GMEB2: variants seen among roughly 807,000 people sequenced by gnomAD.
The protein encoded by GMEB2 is glucocorticoid modulatory element binding protein 2, also known as glucocorticoid modulatory element-binding protein 2.
GMEB2 carries 7 observed loss-of-function variants against 45.7 expected under a neutral mutation model. The observed-to-expected ratio is 0.15, with a 90% CI of 0.09 to 0.29. The LOEUF is 0.29. Among genes scored for constraint, GMEB2 ranks in the 10% least tolerant of loss-of-function variants. The pLI, the probability that GMEB2 is intolerant of heterozygous loss-of-function variation, is 1.00. For missense variants in GMEB2, 582 were observed against 739.2 expected (o/e 0.79, Z 2.47); for synonymous variants, 322 against 323.6 (o/e 1.00, Z 0.05).
intron 1 of GMEB2, among the ~76,000 whole-genome samples, chr20:63,621,262 TG>T (rs914440171): frequency 1.3e-5 from 2 of 152,058 alleles, no homozygotes; most frequent in African/African-American, 4.8e-5. Context: ...TACAGGGAGT[TG>T]TTCTTTAATG....
chr20:63,614,107 G>A (rs374335143), intron 2 of GMEB2, among the ~76,000 whole-genome samples: 1 of 152,116 alleles, frequency 6.6e-6, no homozygotes, highest in Non-Finnish European at 1.5e-5. Context: ...GCAAGAGACC[G>A]AGGGCACGAG....
chr20:63,603,180 G>C, intron 3 of GMEB2, 88 bp from the exon 4 acceptor site: 1 of 1,458,866 alleles, frequency 6.9e-7, no homozygotes, highest in Non-Finnish European at 9.4e-7. Context: ...GCAGAAAATA[G>C]CTACCAACAT....
chr20:63,610,042 C>G (rs995001892), intron 2 of GMEB2, among the ~76,000 whole-genome samples: 2 of 152,220 alleles, frequency 1.3e-5, no homozygotes, highest in African/African-American at 2.4e-5. Context: ...TGTTCCCACA[C>G]TGGCATGAGG....
rs550884431 is a variant in GMEB2 at position 63,589,439 on chromosome 20, G to A, written c.*650C>T. 2.2e-4 allele frequency: 79 copies of A among 352,286 alleles called. No homozygotes were observed. The South Asian group carries it at 9.5e-3, about 42-fold the overall frequency. 21.8% of individuals were successfully genotyped at this position (352,286 alleles called of 1,614,324 possible). ...TGCCTGGACCACGCCTCGTCTGTGCGGCCCCTGGGCCACCTGAGCACCGGC... is the reference window on the plus strand; with the variant it reads ...TGCCTGGACCACGCCTCGTCTGTGCAGCCCCTGGGCCACCTGAGCACCGGC... On this transcript the variant is annotated 3_prime_UTR_variant, in exon 10 of 10. Transcript: ENST00000370077.
intron 1 of GMEB2, among the ~76,000 whole-genome samples, chr20:63,622,571 T>G (rs1001494954): frequency 4.6e-5 from 7 of 152,174 alleles, no homozygotes; most frequent in African/African-American, 1.7e-4. Flanking sequence ...CCACAGGCTG[T>G]CTTTTGTCTG....
At chr20:63,605,470 T>G (rs1601019579) in intron 2 of GMEB2, among the ~76,000 whole-genome samples, 2 of 131,108 alleles carry the variant, frequency 1.5e-5, no homozygotes, top group Non-Finnish European at 3.2e-5. Flanking sequence ...GAGGTGTGAG[T>G]GGGGATTGTG....
intron 2 of GMEB2, among the ~76,000 whole-genome samples, chr20:63,617,795 T>C (rs539158311): frequency 2.8e-5 from 4 of 140,780 alleles, no homozygotes; most frequent in South Asian, 2.3e-4. Flanking sequence ...GTGAGGAGAG[T>C]TGGATATGGG....
In GMEB2 at chr20:63,590,652, G is replaced by A. The variant is rs770084514; in HGVS notation, c.1030C>T (p.Leu344Phe). ...KHKSQHLSNV[L>F]MTLTPVSLPP... is the part of the protein sequence containing the mutation. ...AGGGAGACCGGCGTCAGCGTCATGAGCACGTTGCTGAGGTGCTGGGACTTG... is the reference window on the plus strand; with the variant it reads ...AGGGAGACCGGCGTCAGCGTCATGAACACGTTGCTGAGGTGCTGGGACTTG... The change falls in exon 10 of 10, where the codon CTC becomes TTC. Residue 344 changes from leucine to phenylalanine, a missense_variant. Around this residue, in one of 3 missense-constraint regions of GMEB2, gnomAD observed 462 missense variants for 586.7 expected, o/e 0.79. Coordinates refer to ENST00000370077, the MANE Select transcript of GMEB2 (RefSeq NM_012384.5). 1 of 1,576,778 alleles carries A rather than the reference G, an allele frequency of 6.3e-7. No homozygotes were observed. The highest frequency in any genetic ancestry group is 8.6e-7 in the Non-Finnish European group (1 of 1,159,922).
Position 63,619,535 on chromosome 20 carries a change from C to G in GMEB2, c.-57-81G>C, listed in dbSNP as rs895967190. ...TAGCACTCACAAAGGCATCTCTAAT[C>G]AGCTCCAAAGACCCACCCTTGAGTC... On this transcript the variant is annotated intron_variant, in intron 1 of 9. Coordinates refer to ENST00000370077, the MANE Select transcript of GMEB2 (RefSeq NM_012384.5). The surrounding 1 kb of genome is among the most constrained non-coding windows in gnomAD (Gnocchi z 4.6). 18 of 817,970 alleles carry G rather than the reference C, an allele frequency of 2.2e-5. No homozygotes were observed. The highest frequency in any genetic ancestry group is 3.3e-5 in the Non-Finnish European group (18 of 547,528). 50.7% of individuals were successfully genotyped at this position (817,970 alleles called of 1,614,324 possible). A position where few individuals can be genotyped will look rare whatever the true frequency, so the allele number is the denominator to read the frequency against.
rs147147479 is a variant in GMEB2 at position 63,606,290 on chromosome 20, T to C, written c.132-1450A>G. Among the ~76,000 whole-genome samples the C allele has an allele frequency of 6.8e-3, 1,031 of 152,046 alleles. 12 individuals are homozygous for C. The highest frequency in any genetic ancestry group is 0.023 in the African/African-American group (964 of 41,522). Reference sequence around the variant, plus strand: ...AACCAAGAAATAAAAAAAGATAACTTTGCCTTAAAAAATAAAAATAAAAAC... The same window carrying C: ...AACCAAGAAATAAAAAAAGATAACTCTGCCTTAAAAAATAAAAATAAAAAC... On this transcript the variant is annotated intron_variant, in intron 2 of 9. Transcript: ENST00000370077.
At chr20:63,608,619 C>T (rs2089539198) in intron 2 of GMEB2, among the ~76,000 whole-genome samples, 5 of 50,082 alleles carry the variant, frequency 1.0e-4, no homozygotes, top group African/African-American at 3.4e-4. Flanking sequence ...AGAAACATGC[C>T]CCTCTGACCT....
intron 2 of GMEB2, among the ~76,000 whole-genome samples, chr20:63,615,817 G>C (rs1480125667): frequency 6.6e-6 from 1 of 152,138 alleles, no homozygotes. Context: ...CCCTTTGTGG[G>C]GGTTCATCCA....
At chr20:63,617,485 C>T (rs146688071) in intron 2 of GMEB2, among the ~76,000 whole-genome samples, 3 of 152,160 alleles carry the variant, frequency 2.0e-5, no homozygotes, top group Non-Finnish European at 4.4e-5. Context: ...TACGGCAGCC[C>T]GAGCAGACTA....
At chr20:63,604,627 G>A in intron 3 of GMEB2, 116 bp downstream of exon 3, 1 of 708,690 alleles carries the variant, frequency 1.4e-6, no homozygotes, top group South Asian at 1.5e-5. Context: ...CACAGCTTGG[G>A]AATCAGCCCG....
At chr20:63,625,986 G>A (rs1170906073) in intron 1 of GMEB2, among the ~76,000 whole-genome samples, 3 of 152,242 alleles carry the variant, frequency 2.0e-5, no homozygotes, top group Admixed American at 2.0e-4. Flanking sequence ...AGCAAAGAAA[G>A]AGAATTCTGG....
intron 6 of GMEB2, 64 bp downstream of exon 6, chr20:63,595,546 T>C (rs2083189177): frequency 2.1e-6 from 3 of 1,449,804 alleles, no homozygotes; most frequent in African/African-American, 1.4e-5. Flanking sequence ...CCCAGGGGCA[T>C]GTCACCCTCT....
rs1449902086 is a variant in GMEB2 at position 63,592,458 on chromosome 20, G to C, written c.829+75C>G. 6.0e-6 allele frequency: 7 copies of C among 1,167,522 alleles called. No homozygotes were observed. Among genetic ancestry groups the C allele is most frequent in the Non-Finnish European group, 8.7e-6 (7 of 805,708 alleles). The allele number at this position is 1,167,522 out of a possible 1,614,324, so 72.3% of individuals were successfully genotyped here. On this transcript the variant is annotated intron_variant, in intron 8 of 9. Transcript: ENST00000370077. This position sits in a 1 kb window ranked among gnomAD's most constrained non-coding sequence, Gnocchi z 8.2. Reference sequence around the variant, plus strand: ...GCAGCACAGAAGGGCCTAGGGGCAGGAGGGCCAGTGGCCTCACCTCCTGCA... The same window carrying C: ...GCAGCACAGAAGGGCCTAGGGGCAGCAGGGCCAGTGGCCTCACCTCCTGCA...
At chr20:63,623,392 G>A (rs995753967) in intron 1 of GMEB2, among the ~76,000 whole-genome samples, 18 of 152,106 alleles carry the variant, frequency 1.2e-4, no homozygotes, top group Admixed American at 7.9e-4. Flanking sequence ...TGATGAATTC[G>A]TTTACACTGG....
chr20:63,622,603 C>T (rs2089647603), intron 1 of GMEB2, among the ~76,000 whole-genome samples: 1 of 152,178 alleles, frequency 6.6e-6, no homozygotes. Flanking sequence ...GACCAGGGGG[C>T]TCTACTTCTT....
Sources: allele counts gnomAD v4.1 joint callset (sites outside exome capture counted in the v4.1 genomes callset), GRCh38; gene constraint gnomAD v4.1.1; regional missense constraint gnomAD v4.1.1; non-coding constraint Gnocchi (gnomAD v3.1); transcripts MANE v1.5; gene names NCBI Gene and HGNC (gene_info 2026-07-23, HGNC 2026-07-21).